Variants in PTBP3 observed in about 807,000 individuals in gnomAD.
PTBP3 encodes polypyrimidine tract-binding protein 3.
In PTBP3, 20 loss-of-function variants were observed where a neutral mutation model predicts 58.7. That is an observed-to-expected ratio of 0.34 (90% confidence interval 0.24 to 0.50). The LOEUF is 0.50. PTBP3 is among the 20% of genes least tolerant of loss of function. PTBP3 has a pLI of 0.98. For missense variants in PTBP3, 509 were observed against 637.2 expected (o/e 0.80, Z 2.17); for synonymous variants, 185 against 219.8 (o/e 0.84, Z 1.40).
At chr9:112,331,504 CTG>C (rs978823074) in intron 1 of PTBP3, among the ~76,000 whole-genome samples, 2 of 152,184 alleles carry the variant, frequency 1.3e-5, no homozygotes, top group African/African-American at 4.8e-5. Flanking sequence ...ATGATGTAAA[CTG>C]TTTTTAAAAT....
rs554667796 is a variant in PTBP3, at chr9:112,311,346, C to G, written c.-51-13430G>C. 1.1e-4 allele frequency among the ~76,000 whole-genome samples: 17 copies of G among 152,140 alleles called. No individual in the cohort carries two copies. In the South Asian group the frequency reaches 3.5e-3, roughly 32 times the overall value. On this transcript the variant is annotated intron_variant, in intron 1 of 13. Transcript: ENST00000374257. ...TTTTGTCATTATTCCCTAAGCAATACAGCATAACAACTATTTACATAGCAT... is the reference window on the plus strand; with the variant it reads ...TTTTGTCATTATTCCCTAAGCAATAGAGCATAACAACTATTTACATAGCAT...
intron 5 of PTBP3, among the ~76,000 whole-genome samples, chr9:112,261,318 C>T (rs1836585956): frequency 6.6e-6 from 1 of 152,164 alleles, no homozygotes; most frequent in Admixed American, 6.5e-5. Context: ...TACTCAATGG[C>T]ATGTTTTAAT....
the PTBP3 span, among the ~76,000 whole-genome samples, chr9:112,368,316 G>A: frequency 3.3e-5 from 5 of 152,100 alleles, no homozygotes; most frequent in East Asian, 1.9e-4. Flanking sequence ...GATTACAGGC[G>A]TGCGCCACCA....
At chr9:112,333,132 G>C (rs1389997967) in intron 1 of PTBP3, 1 of 1,248,828 alleles carries the variant, frequency 8.0e-7, no homozygotes. Context: ...TCGGGAGGCC[G>C]AGCTGGGCTC....
At chr9:112,249,080 T>C (rs1012716465) in intron 7 of PTBP3, among the ~76,000 whole-genome samples, 8 of 151,510 alleles carry the variant, frequency 5.3e-5, no homozygotes, top group Non-Finnish European at 7.4e-5. Context: ...CTTTAAAGTA[T>C]TGAATGCTTT....
chr9:112,328,844 G>A (rs1361326282), intron 1 of PTBP3, among the ~76,000 whole-genome samples: 2 of 152,186 alleles, frequency 1.3e-5, no homozygotes, highest in African/African-American at 4.8e-5. Context: ...AATAAAGTAG[G>A]AGCACTGAAA....
chr9:112,228,175 C>A (rs1272817704), intron 11 of PTBP3, among the ~76,000 whole-genome samples: 1 of 152,078 alleles, frequency 6.6e-6, no homozygotes, highest in Admixed American at 6.5e-5. Flanking sequence ...AATATGTTCA[C>A]GTAGACAAAT....
the PTBP3 span, among the ~76,000 whole-genome samples, chr9:112,340,089 TGA>T: frequency 6.6e-6 from 1 of 152,168 alleles, no homozygotes; most frequent in East Asian, 1.9e-4. Flanking sequence ...CTAAGCCTCC[TGA>T]GTAGCGGAAA....
At chr9:112,234,700 G>T in intron 8 of PTBP3, 120 bp downstream of exon 8, 1 of 851,052 alleles carries the variant, frequency 1.2e-6, no homozygotes, top group Non-Finnish European at 1.9e-6. Flanking sequence ...TTCTACAGCT[G>T]ATATGCATAA....
the PTBP3 span, among the ~76,000 whole-genome samples, chr9:112,354,188 T>C: frequency 6.6e-6 from 1 of 152,212 alleles, no homozygotes. Flanking sequence ...ATCTGTTTTA[T>C]GTTTCCTGAT....
intron 1 of PTBP3, among the ~76,000 whole-genome samples, chr9:112,319,145 G>A (rs10739342): frequency 0.71 from 77,606 of 109,410 alleles, 25,149 homozygotes; most frequent in African/African-American, 0.86. Flanking sequence ...AAAAAAAAAA[G>A]AAAGAAAATT....
At chr9:112,280,295 T>C (rs1270120737) in intron 2 of PTBP3, among the ~76,000 whole-genome samples, 2 of 152,152 alleles carry the variant, frequency 1.3e-5, no homozygotes, top group African/African-American at 4.8e-5. Flanking sequence ...CCTCAGGTAA[T>C]GCGCCCACCT....
At chr9:112,350,180 A>G in the PTBP3 span, among the ~76,000 whole-genome samples, 3 of 152,120 alleles carry the variant, frequency 2.0e-5, no homozygotes, top group African/African-American at 7.2e-5. Flanking sequence ...ATGAGGATGC[A>G]AAAGCATAAG....
chr9:112,365,115 T>A, the PTBP3 span, among the ~76,000 whole-genome samples: 1 of 152,244 alleles, frequency 6.6e-6, no homozygotes, highest in Non-Finnish European at 1.5e-5. Flanking sequence ...TGACAGGATT[T>A]CTTTCTTCTT....
intron 10 of PTBP3, among the ~76,000 whole-genome samples, chr9:112,230,580 T>C (rs1308343629): frequency 6.6e-6 from 1 of 152,296 alleles, no homozygotes; most frequent in East Asian, 1.9e-4. Context: ...ATTTAGATTA[T>C]ATATATTTAT....
intron 1 of PTBP3, among the ~76,000 whole-genome samples, chr9:112,326,702 A>G (rs1830170204): frequency 6.6e-6 from 1 of 152,214 alleles, no homozygotes. Flanking sequence ...TCTAATCGCT[A>G]CTACAGTATT....
At chr9:112,284,970 T>C (rs910727125) in intron 2 of PTBP3, among the ~76,000 whole-genome samples, 2 of 152,064 alleles carry the variant, frequency 1.3e-5, no homozygotes, top group African/African-American at 4.8e-5. Context: ...TATGTTGGAA[T>C]GAATTAAGAC....
chr9:112,337,641 A>C (rs147962561), upstream of PTBP3, among the ~76,000 whole-genome samples: 279 of 152,372 alleles, frequency 1.8e-3, 1 homozygote, highest in South Asian at 9.5e-3. Context: ...AAAGGAAGAC[A>C]GATACAAATA....
the PTBP3 span, among the ~76,000 whole-genome samples, chr9:112,353,922 C>T: frequency 1.3e-5 from 2 of 151,952 alleles, no homozygotes; most frequent in Admixed American, 1.3e-4. Context: ...CATGCCACTG[C>T]ACTCCAGCCT....
Sources: allele counts gnomAD v4.1 joint callset (sites outside exome capture counted in the v4.1 genomes callset), GRCh38; gene constraint gnomAD v4.1.1; transcripts MANE v1.5; gene names NCBI Gene and HGNC (gene_info 2026-07-23, HGNC 2026-07-21).